Variants in TTC39C observed in about 807,000 individuals in gnomAD.
The protein encoded by TTC39C is tetratricopeptide repeat protein 39C.
In TTC39C, 33 loss-of-function variants were observed where a neutral mutation model predicts 76.3. The ratio of observed to expected loss-of-function variants is 0.43; its 90% CI spans 0.33 to 0.58. The LOEUF (loss-of-function observed/expected upper bound fraction) is 0.58. TTC39C is among the 20% of genes least tolerant of loss of function. The pLI, the probability that TTC39C is intolerant of heterozygous loss-of-function variation, is 0.04. For synonymous variants in TTC39C, 254 were observed against 260.6 expected (o/e 0.97, Z 0.24); for missense variants, 595 against 701.4 (o/e 0.85, Z 1.71).
intron 1 of TTC39C, among the ~76,000 whole-genome samples, chr18:23,999,549 C>T (rs2083295632): frequency 6.6e-6 from 1 of 152,234 alleles, no homozygotes; most frequent in Non-Finnish European, 1.5e-5. Context: ...CTTCTAGGTC[C>T]CTAGCCAGGG....
intron 6 of TTC39C, among the ~76,000 whole-genome samples, chr18:24,086,362 G>C (rs1219612785): frequency 6.6e-6 from 1 of 152,110 alleles, no homozygotes; most frequent in African/African-American, 2.4e-5. Context: ...TCATTCTTCT[G>C]TACTCGTTAT....
chr18:24,006,064 G>A (rs563011117), intron 1 of TTC39C, among the ~76,000 whole-genome samples: 93 of 150,684 alleles, frequency 6.2e-4, no homozygotes, highest in South Asian at 2.5e-3. Context: ...CCAGGCTGGA[G>A]TACAGTGGCA....
chr18:23,994,166 C>G (rs1010173349), intron 1 of TTC39C: 5 of 152,022 alleles, frequency 3.3e-5, no homozygotes, highest in Admixed American at 2.6e-4. Flanking sequence ...ATTATTATTC[C>G]TTAGATGTTT....
intron 1 of TTC39C, among the ~76,000 whole-genome samples, chr18:24,026,835 G>A (rs1042643301): frequency 2.6e-5 from 4 of 152,032 alleles, no homozygotes; most frequent in South Asian, 2.1e-4. Flanking sequence ...TTATCACTCC[G>A]TAAAATAAGC....
intron 5 of TTC39C, among the ~76,000 whole-genome samples, chr18:24,081,393 C>T (rs1305594143): frequency 6.6e-6 from 1 of 152,126 alleles, no homozygotes; most frequent in Non-Finnish European, 1.5e-5. Context: ...TGCTCTTTCG[C>T]TAAACTGAGT....
intron 1 of TTC39C, among the ~76,000 whole-genome samples, chr18:24,061,204 A>G (rs531468320): frequency 2.6e-5 from 4 of 151,502 alleles, no homozygotes; most frequent in African/African-American, 7.3e-5. Flanking sequence ...TGTTTTTTCA[A>G]TATCAGCAAA....
intron 1 of TTC39C, among the ~76,000 whole-genome samples, chr18:24,004,685 A>G (rs1015214300): frequency 2.6e-5 from 4 of 152,186 alleles, no homozygotes; most frequent in African/African-American, 7.2e-5. Flanking sequence ...GTTTAATATA[A>G]TAATACAACT....
chr18:24,036,066 C>T (rs761741724), intron 1 of TTC39C, among the ~76,000 whole-genome samples: 1 of 151,330 alleles, frequency 6.6e-6, no homozygotes, highest in Non-Finnish European at 1.5e-5. Context: ...TTTCTAGGCT[C>T]TCTATTCTTT....
intron 1 of TTC39C, chr18:24,000,404 G>A (rs1279613306): frequency 6.6e-6 from 1 of 152,268 alleles, no homozygotes; most frequent in African/African-American, 2.4e-5. Flanking sequence ...AAGGAGAGAG[G>A]CCTGGAACAG....
At chr18:24,100,598 A>C (rs1489625855) in intron 6 of TTC39C, among the ~76,000 whole-genome samples, 1 of 152,190 alleles carries the variant, frequency 6.6e-6, no homozygotes, top group African/African-American at 2.4e-5. Flanking sequence ...GCCAGAGTGG[A>C]GGGCATTTAT....
At chr18:24,111,239 C>T (rs1430643221) in intron 6 of TTC39C, among the ~76,000 whole-genome samples, 1 of 151,990 alleles carries the variant, frequency 6.6e-6, no homozygotes, top group African/African-American at 2.4e-5. Flanking sequence ...AGCCACTGCG[C>T]CCGGCCTCTG....
At chr18:24,056,578 G>GAAATC (rs60978632) in intron 1 of TTC39C, among the ~76,000 whole-genome samples, 6,151 of 151,946 alleles carry the variant, frequency 0.04, 408 homozygotes, top group African/African-American at 0.14. Context: ...TGTGTTTCAG[G>GAAATC]AAATCATCAT....
At chr18:24,078,761 C>T (rs1337722042) in intron 4 of TTC39C, among the ~76,000 whole-genome samples, 2 of 152,230 alleles carry the variant, frequency 1.3e-5, no homozygotes, top group Admixed American at 6.5e-5. Context: ...ATTCCGGACT[C>T]CCAGAAGAAA....
chr18:24,058,190 C>A (rs751834097), intron 1 of TTC39C, among the ~76,000 whole-genome samples: 1 of 151,998 alleles, frequency 6.6e-6, no homozygotes, highest in South Asian at 2.1e-4. Flanking sequence ...GGGTGAGGAT[C>A]GAAAAACTAC....
chr18:24,123,713 G>T, intron 8 of TTC39C, 121 bp from the exon 9 acceptor site: 1 of 675,334 alleles, frequency 1.5e-6, no homozygotes, highest in Non-Finnish European at 2.4e-6. Context: ...AGCCCATTGT[G>T]GAATAGTCTT....
At chr18:24,023,950 GTATATA>G (rs1157099825) in intron 1 of TTC39C, among the ~76,000 whole-genome samples, 423 of 16,834 alleles carry the variant, frequency 0.025, 15 homozygotes, top group African/African-American at 0.042. Flanking sequence ...ATATATGCAT[GTATATA>G]TATATATATA....
intron 4 of TTC39C, among the ~76,000 whole-genome samples, chr18:24,070,716 C>T (rs577866837): frequency 7.3e-5 from 11 of 151,252 alleles, no homozygotes; most frequent in African/African-American, 2.2e-4. Flanking sequence ...TGGTGGTGGT[C>T]GCTGTAATCC....
intron 6 of TTC39C, among the ~76,000 whole-genome samples, chr18:24,111,564 TC>T (rs1290613974): frequency 1.8e-5 from 1 of 54,312 alleles, no homozygotes; most frequent in Non-Finnish European, 4.8e-5. Context: ...CGAGACTCTG[TC>T]TAAAAAAAAA....
intron 1 of TTC39C, among the ~76,000 whole-genome samples, chr18:24,007,638 C>T (rs1286038221): frequency 1.3e-5 from 2 of 152,198 alleles, no homozygotes; most frequent in Non-Finnish European, 2.9e-5. Flanking sequence ...CCCACCTCGG[C>T]CTCCCAAAGT....
Sources: allele counts gnomAD v4.1 joint callset (sites outside exome capture counted in the v4.1 genomes callset), GRCh38; gene constraint gnomAD v4.1.1; transcripts MANE v1.5; gene names NCBI Gene and HGNC (gene_info 2026-07-23, HGNC 2026-07-21).